Variants in AUTS2 observed in about 807,000 individuals in gnomAD.
The protein encoded by AUTS2 is autism susceptibility gene 2 protein.
Under a neutral mutation model 112.4 loss-of-function variants are expected in AUTS2, and 17 were observed. The ratio of observed to expected loss-of-function variants is 0.15; its 90% confidence interval spans 0.10 to 0.23. The LOEUF (loss-of-function observed/expected upper bound fraction) is 0.23. Among genes scored for constraint, AUTS2 ranks in the 10% least tolerant of loss-of-function variants. The pLI, the probability that AUTS2 is intolerant of heterozygous loss-of-function variation, is 1.00. For missense variants in AUTS2, 1,510 were observed against 1,701.6 expected (o/e 0.89, Z 1.98); for synonymous variants, 751 against 702.7 (o/e 1.07, Z -1.09).
chr7:69,656,703 C>G (rs1795557409), intron 1 of AUTS2, among the ~76,000 whole-genome samples: 2 of 152,140 alleles, frequency 1.3e-5, no homozygotes, highest in Non-Finnish European at 2.9e-5. Flanking sequence ...AGTTTATTCT[C>G]TCTGTATTTT....
chr7:70,753,095 G>C (rs147363041), intron 6 of AUTS2, among the ~76,000 whole-genome samples: 2 of 152,130 alleles, frequency 1.3e-5, no homozygotes. Flanking sequence ...ACTCAACTGC[G>C]GTGTGTTGCT....
chr7:70,588,443 G>T (rs1802783368), intron 5 of AUTS2, among the ~76,000 whole-genome samples: 1 of 152,196 alleles, frequency 6.6e-6, no homozygotes, highest in Admixed American at 6.5e-5. Flanking sequence ...GGCAGGAGCT[G>T]CAGCACTTGA....
chr7:69,831,220 G>A (rs1791486945), intron 1 of AUTS2, among the ~76,000 whole-genome samples: 1 of 152,108 alleles, frequency 6.6e-6, no homozygotes, highest in South Asian at 2.1e-4. Flanking sequence ...TGTTCATTGT[G>A]CTATTTAGTG....
intron 2 of AUTS2, among the ~76,000 whole-genome samples, chr7:70,034,939 C>G (rs1364367346): frequency 2.0e-5 from 3 of 152,140 alleles, no homozygotes; most frequent in African/African-American, 7.2e-5. Flanking sequence ...CCAAGCGATC[C>G]TCTCACCTTA....
At chr7:70,375,840 C>G (rs764964523) in intron 4 of AUTS2, among the ~76,000 whole-genome samples, 46 of 151,994 alleles carry the variant, frequency 3.0e-4, no homozygotes, top group Non-Finnish European at 5.9e-4. Context: ...GTCTTTCTGC[C>G]AAGCTTCTAC....
At position 70,469,008 on chromosome 7, in the gene AUTS2, T is replaced by G. The variant is rs77397088; in HGVS notation, c.690+33227T>G. Reference sequence around the variant, plus strand: ...CCCTATATAAAATAATCGTCAGTAGTTGGGTAATAATTATTCTGCACCAAA... The same window carrying G: ...CCCTATATAAAATAATCGTCAGTAGGTGGGTAATAATTATTCTGCACCAAA... On this transcript the variant is annotated intron_variant, in intron 5 of 18. Coordinates refer to ENST00000342771, the MANE Select transcript of AUTS2 (RefSeq NM_015570.4). Among the ~76,000 whole-genome samples, 21 of 152,268 alleles carry G rather than the reference T, an allele frequency of 1.4e-4. No individual in the cohort carries two copies. The East Asian group carries it at 3.9e-3, about 28-fold the overall frequency.
chr7:70,127,699 A>G lies in AUTS2; in HGVS notation c.625-6837A>G, dbSNP rs935582072. Reference sequence around the variant, plus strand: ...AGGAATTGAAACATCTCAGAAAATAATGAAAATGGATCAAAGTCTTATGAG... The same window carrying G: ...AGGAATTGAAACATCTCAGAAAATAGTGAAAATGGATCAAAGTCTTATGAG... On this transcript the variant is annotated intron_variant, in intron 3 of 18. Transcript: ENST00000342771. Among the ~76,000 whole-genome samples the G allele has an allele frequency of 2.0e-5, 3 of 152,216 alleles. No individual in the cohort carries two copies. In the East Asian group the frequency reaches 5.8e-4, roughly 29 times the overall value.
intron 5 of AUTS2, among the ~76,000 whole-genome samples, chr7:70,693,409 T>A (rs1031988761): frequency 2.0e-5 from 3 of 152,196 alleles, no homozygotes; most frequent in African/African-American, 7.2e-5. Context: ...GGCTCCACTT[T>A]TGTGGATGCA....
Position 70,764,941 on chromosome 7 carries a change from T to C in AUTS2, c.1404T>C (p.Pro468=), listed in dbSNP as rs762280300. The part of the protein sequence containing the change: ...NMFAPPTALP[P]PPPLTSGSLQ... ...TTGCCCCTCCCACTGCTCTGCCTCC[T>C]CCACCACCACTGACATCAGGAAGTC... Residue 468 remains proline, a synonymous_variant, in exon 8 of 19, where the codon CCT becomes CCC. Transcript: ENST00000342771. The C allele has an allele frequency of 6.3e-7, 1 of 1,591,268 alleles. No individual in the cohort carries two copies.
At position 69,729,914 on chromosome 7, in the gene AUTS2, ATTTATG is replaced by A. The variant is rs532998558; in HGVS notation, c.309+129956_309+129961del. Reference sequence around the variant, plus strand: ...ATTTTTGTGCACAAATTTGAGCCACATTTATGTTTGTCTTTTAATGGGTTATGGGTT... The same window carrying A: ...ATTTTTGTGCACAAATTTGAGCCACATTTGTCTTTTAATGGGTTATGGGTT... On this transcript the variant is annotated intron_variant, in intron 1 of 18. Coordinates refer to ENST00000342771, the MANE Select transcript of AUTS2 (RefSeq NM_015570.4). Among the ~76,000 whole-genome samples, 86 of 143,044 alleles carry A rather than the reference ATTTATG, an allele frequency of 6.0e-4. 1 individual carries two copies. Among genetic ancestry groups the A allele is most frequent in the African/African-American group, 2.0e-3 (76 of 37,942 alleles). The allele number at this position is 143,044 out of a possible 152,430, so 93.8% of individuals were successfully genotyped here. A position where few individuals can be genotyped will look rare whatever the true frequency, so the allele number is the denominator to read the frequency against.
At chr7:69,728,526 T>C (rs1233413694) in intron 1 of AUTS2, among the ~76,000 whole-genome samples, 1 of 152,200 alleles carries the variant, frequency 6.6e-6, no homozygotes, top group African/African-American at 2.4e-5. Context: ...AGACAAACAT[T>C]GAGTCATCCA....
intron 5 of AUTS2, among the ~76,000 whole-genome samples, chr7:70,684,177 G>A (rs2129545509): frequency 6.6e-6 from 1 of 151,786 alleles, no homozygotes; most frequent in South Asian, 2.1e-4. Context: ...TATTAGCATA[G>A]ATGCAGGAGT....
At chr7:69,681,863 A>G (rs1194514497) in intron 1 of AUTS2, among the ~76,000 whole-genome samples, 1 of 152,098 alleles carries the variant, frequency 6.6e-6, no homozygotes, top group Non-Finnish European at 1.5e-5. Context: ...ACTGCCCCAA[A>G]TACTAAGTGA....
chr7:70,135,237 A>T (rs1365822975), intron 4 of AUTS2, among the ~76,000 whole-genome samples: 1 of 152,152 alleles, frequency 6.6e-6, no homozygotes, highest in Admixed American at 6.6e-5. Flanking sequence ...TTGTCACTTC[A>T]TTATATTTAT....
intron 2 of AUTS2, among the ~76,000 whole-genome samples, chr7:69,959,848 G>C (rs10245749): frequency 0.082 from 12,509 of 152,076 alleles, 661 homozygotes; most frequent in African/African-American, 0.14. Context: ...TACTGCACCT[G>C]GTGTATAGAA....
At chr7:70,063,290 A>G (rs1357262663) in intron 2 of AUTS2, among the ~76,000 whole-genome samples, 4 of 150,788 alleles carry the variant, frequency 2.7e-5, no homozygotes, top group Non-Finnish European at 5.9e-5. Flanking sequence ...AAAATGGTTC[A>G]GCCTAGGGGT....
In AUTS2 at chr7:69,800,803, C is replaced by T. The variant is rs567381212; in HGVS notation, c.310-98483C>T. ...TAGATCTTGCCTTTTTCCCCAGCCC[C>T]TCCCTGCACTGTTCCTGAAGAGGGC... On this transcript the variant is annotated intron_variant, in intron 1 of 18. Transcript: ENST00000342771. Among the ~76,000 whole-genome samples the T allele has an allele frequency of 4.6e-5, 7 of 152,306 alleles. No homozygotes were observed. In the East Asian group the frequency reaches 1.2e-3, roughly 25 times the overall value.
At chr7:70,226,731 A>G (rs1198175811) in intron 4 of AUTS2, among the ~76,000 whole-genome samples, 1 of 152,146 alleles carries the variant, frequency 6.6e-6, no homozygotes, top group Non-Finnish European at 1.5e-5. Context: ...TATTCTAAGC[A>G]TGTTATATGC....
chr7:69,661,718 AGGATT>A (rs1795806425), intron 1 of AUTS2, among the ~76,000 whole-genome samples: 1 of 152,218 alleles, frequency 6.6e-6, no homozygotes, highest in Admixed American at 6.5e-5. Context: ...AAGACAGGTT[AGGATT>A]GTATGTTCCA....
Sources: allele counts gnomAD v4.1 joint callset (sites outside exome capture counted in the v4.1 genomes callset), GRCh38; gene constraint gnomAD v4.1.1; transcripts MANE v1.5; gene names NCBI Gene and HGNC (gene_info 2026-07-23, HGNC 2026-07-21).